Variants in PSMC5 observed in about 807,000 individuals in gnomAD.
The protein encoded by PSMC5 is 26S proteasome regulatory subunit 8.
A neutral mutation model predicts 49.1 loss-of-function variants in PSMC5; 11 were observed. The observed-to-expected ratio is 0.22, with a 90% CI of 0.14 to 0.37. The LOEUF is 0.37. Among genes scored for constraint, PSMC5 ranks in the 10% least tolerant of loss-of-function variants. The probability of loss-of-function intolerance (pLI) is 1.00; values close to 1 mark genes in which losing one functional copy is unlikely to be tolerated. For synonymous variants in PSMC5, 206 were observed against 192.2 expected, an observed-to-expected ratio of 1.07 and a Z score of -0.59; for missense variants, 229 against 520.9, an observed-to-expected ratio of 0.44 and a Z score of 5.45.
chr17:63,828,300 A>C lies in PSMC5; in HGVS notation c.96+91A>C. The C allele has an allele frequency of 3.9e-6, 5 of 1,295,582 alleles. 1 individual carries two copies. Among genetic ancestry groups the C allele is most frequent in the Non-Finnish European group, 5.5e-6 (5 of 916,420 alleles). The allele number at this position is 1,295,582 out of a possible 1,614,324, so 80.3% of individuals were successfully genotyped here. A position where few individuals can be genotyped will look rare whatever the true frequency, so the allele number is the denominator to read the frequency against. On this transcript the variant is annotated intron_variant, in intron 2 of 11. Coordinates refer to ENST00000310144, the MANE Select transcript of PSMC5 (RefSeq NM_002805.6). ...ATCCATCTAATTCCTTTGGGAGTGC[A>C]GTGGAAGAAGCTGCTGCTTCTCCTT... is the stretch of plus-strand genomic sequence containing the variant.
Position 63,830,980 on chromosome 17 carries a change from G to A in PSMC5, c.679+45G>A. On this transcript the variant is annotated intron_variant, in intron 7 of 11. Transcript: ENST00000310144. This position sits in a 1 kb window ranked among gnomAD's most constrained non-coding sequence, Gnocchi z 4.0. ...TGAGAAGCAAGAGGTAGGGGTAGGG[G>A]GTTAGAGAGCTAATAAGCTAATAAG... 1.9e-6 allele frequency: 3 copies of A among 1,612,676 alleles called. No homozygotes were observed. Among genetic ancestry groups the A allele is most frequent in the Non-Finnish European group, 2.5e-6 (3 of 1,179,134 alleles).
intron 2 of PSMC5, 75 bp from the exon 3 acceptor site, chr17:63,829,419 G>A: frequency 7.4e-7 from 1 of 1,344,794 alleles, no homozygotes; most frequent in Non-Finnish European, 1.0e-6. Context: ...TCAGACCTGT[G>A]AGGTCTTGGC....
Position 63,830,747 on chromosome 17 carries a change from A to G in PSMC5, c.553-62A>G, listed in dbSNP as rs1380483797. The G allele has an allele frequency of 6.3e-6, 10 of 1,596,366 alleles. No homozygotes were observed. The African/African-American group carries it at 8.1e-5, about 13-fold the overall frequency. On this transcript the variant is annotated intron_variant, in intron 6 of 11. Coordinates refer to ENST00000310144, the MANE Select transcript of PSMC5 (RefSeq NM_002805.6). The surrounding 1 kb of genome is among the most constrained non-coding windows in gnomAD (Gnocchi z 4.0). ...TAGCAAGGGACCCAGCACTCGGTAA[A>G]TGTTCACTGAATGAAATGAGGGGTG...
chr17:63,827,859 AC>A (rs1223150678), intron 1 of PSMC5: 1 of 1,430,472 alleles, frequency 7.0e-7, no homozygotes, highest in African/African-American at 1.4e-5. Flanking sequence ...AGAGCACTTC[AC>A]GCAGTGCAAA....
chr17:63,831,823 A>G lies in PSMC5; in HGVS notation c.1167+13A>G. On this transcript the variant is annotated intron_variant, in intron 11 of 11. Transcript: ENST00000310144. This position sits in a 1 kb window ranked among gnomAD's most constrained non-coding sequence, Gnocchi z 6.3. ...GGCAGTAGCCAAGGTATAGGCCTCC[A>G]TCTTTGTGCCTTTGCCAGTGGTGGC... 6.2e-7 allele frequency: 1 copy of G among 1,614,052 alleles called. No homozygotes were observed. Among genetic ancestry groups the G allele is most frequent in the Non-Finnish European group, 8.5e-7 (1 of 1,179,900 alleles).
rs1379563051 is a variant in PSMC5 at position 63,831,727 on chromosome 17, G to A, written c.1084G>A (p.Val362Met). 1.2e-6 allele frequency: 2 copies of A among 1,614,198 alleles called. No homozygotes were observed. Among genetic ancestry groups the A allele is most frequent in the Non-Finnish European group, 1.7e-6 (2 of 1,180,036 alleles). The change falls in exon 11 of 12, where the codon GTG (valine) becomes ATG (methionine). Residue 362 changes from valine to methionine, a missense_variant. Val to Met is a conservative substitution (Grantham distance 21). Coordinates refer to ENST00000310144, the MANE Select transcript of PSMC5 (RefSeq NM_002805.6). This position sits in a 1 kb window ranked among gnomAD's most constrained non-coding sequence, Gnocchi z 6.3. ...PGASGAEVKG[V>M]CTEAGMYALR... ...TCAATTTCCTTTTCCTGTTCAGGGC[G>A]TGTGCACAGAAGCTGGCATGTATGC...
chr17:63,829,753 T>C (rs769021087), intron 3 of PSMC5, 99 bp from the exon 4 acceptor site: 1 of 1,384,938 alleles, frequency 7.2e-7, no homozygotes. Flanking sequence ...CCTTTGGCCT[T>C]CCTTTAATAA....
At chr17:63,829,763 A>G in intron 3 of PSMC5, 89 bp from the exon 4 acceptor site, 1 of 1,409,338 alleles carries the variant, frequency 7.1e-7, no homozygotes, top group Non-Finnish European at 1.0e-6. Flanking sequence ...TCCTTTAATA[A>G]GAGTGATGCT....
At position 63,831,757 on chromosome 17, in the gene PSMC5, C is replaced by T. The variant is rs1320796271; in HGVS notation, c.1114C>T (p.Arg372Ter). 1 of 1,614,070 alleles carries T rather than the reference C, an allele frequency of 6.2e-7. No individual in the cohort carries two copies. The highest frequency in any genetic ancestry group is 8.5e-7 in the Non-Finnish European group (1 of 1,180,044). The change falls in exon 11 of 12, where the codon CGA becomes TGA. Residue 372 changes from arginine (R) to a stop codon, truncating the protein, a stop_gained. Transcript: ENST00000310144. LOFTEE classifies it high-confidence loss of function. The surrounding 1 kb of genome is among the most constrained non-coding windows in gnomAD (Gnocchi z 6.3). The stretch of plus-strand genomic sequence containing the variant: ...CACAGAAGCTGGCATGTATGCCCTG[C>T]GAGAACGGCGAGTCCATGTCACTCA... ...VCTEAGMYAL[R>*]ERRVHVTQED...
At chr17:63,827,976 AAGGG>A in intron 1 of PSMC5, 158 bp from the exon 2 acceptor site, 1 of 1,286,458 alleles carries the variant, frequency 7.8e-7, no homozygotes, top group Non-Finnish European at 1.1e-6. Context: ...GGAGGGTTCC[AAGGG>A]AGGGAGGGAT....
chr17:63,827,544 G>T, intron 1 of PSMC5, 30 bp downstream of exon 1: 1 of 1,551,634 alleles, frequency 6.4e-7, no homozygotes, highest in Non-Finnish European at 8.7e-7. Context: ...GGCCCGGCAG[G>T]TTACGGGGCT....
chr17:63,831,218 A>G lies in PSMC5; in HGVS notation c.862A>G (p.Asn288Asp), dbSNP rs776860314. The G allele has an allele frequency of 6.3e-7, 1 of 1,575,226 alleles. No individual in the cohort carries two copies. Among genetic ancestry groups the G allele is most frequent in the Admixed American group, 1.8e-5 (1 of 55,112 alleles). The change falls in exon 8 of 12, where the codon AAC becomes GAC. Residue 288 changes from asparagine to aspartate, a missense_variant. Around this residue, in one of 4 missense-constraint regions of PSMC5, gnomAD observed 121 missense variants for 330.6 expected, o/e 0.37. Coordinates refer to ENST00000310144, the MANE Select transcript of PSMC5 (RefSeq NM_002805.6). The surrounding 1 kb of genome is among the most constrained non-coding windows in gnomAD (Gnocchi z 6.3). ...NQLDGFEATKNIKVIMATNRI... is the reference protein window; with the variant it reads ...NQLDGFEATKDIKVIMATNRI... ...GCTCGACGGCTTTGAGGCCACCAAGAACATCAAGGTAAGGTGGTAGCATCC... is the reference window on the plus strand; with the variant it reads ...GCTCGACGGCTTTGAGGCCACCAAGGACATCAAGGTAAGGTGGTAGCATCC...
chr17:63,829,464 A>C, intron 2 of PSMC5, 30 bp from the exon 3 acceptor site: 1 of 1,549,410 alleles, frequency 6.5e-7, no homozygotes, highest in African/African-American at 1.4e-5. Flanking sequence ...CTGCCCTTGA[A>C]TAATGGAATT....
rs2040189424 is a variant in PSMC5, at chr17:63,831,669, A to G, written c.1080+53A>G. ...GCAGAGGCAGGAAGCTCTGGGCTCA[A>G]GGGCCACAGATGAGGGGCACAGCAG... is the stretch of plus-strand genomic sequence containing the variant. On this transcript the variant is annotated intron_variant, in intron 10 of 11. Transcript: ENST00000310144. This position sits in a 1 kb window ranked among gnomAD's most constrained non-coding sequence, Gnocchi z 6.3. 6.8e-6 allele frequency: 11 copies of G among 1,612,850 alleles called. No individual in the cohort carries two copies. The highest frequency in any genetic ancestry group is 9.3e-6 in the Non-Finnish European group (11 of 1,178,948).
chr17:63,831,581 G>C lies in PSMC5; in HGVS notation c.1045G>C (p.Glu349Gln), dbSNP rs2040187635. ...GGGGATCAACCTGAGAAAAATTGCT[G>C]AGCTCATGCCAGGAGCATCAGGGGC... ...TRGINLRKIA[E>Q]LMPGASGAEV... is the part of the protein sequence containing the mutation. The change falls in exon 10 of 12, where the codon GAG becomes CAG. Residue 349 changes from glutamate (E) to glutamine (Q), a missense_variant. Physicochemically the swap from Glu to Gln is conservative, Grantham distance 29. Coordinates refer to ENST00000310144, the MANE Select transcript of PSMC5 (RefSeq NM_002805.6). The surrounding 1 kb of genome is among the most constrained non-coding windows in gnomAD (Gnocchi z 6.3). 6.2e-7 allele frequency: 1 copy of C among 1,614,012 alleles called. No individual in the cohort carries two copies. Among genetic ancestry groups the C allele is most frequent in the South Asian group, 1.1e-5 (1 of 91,086 alleles).
chr17:63,827,923 G>A (rs2040130875), intron 1 of PSMC5: 2 of 1,366,958 alleles, frequency 1.5e-6, no homozygotes, highest in Non-Finnish European at 9.7e-7. Flanking sequence ...AGTCGTATGA[G>A]GTAGGCGGCG....
In PSMC5 at chr17:63,831,445, C is replaced by G. The variant is rs1257466097; in HGVS notation, c.969+20C>G. The G allele has an allele frequency of 6.2e-7, 1 of 1,612,936 alleles. No individual in the cohort carries two copies. Among genetic ancestry groups the G allele is most frequent in the Non-Finnish European group, 8.5e-7 (1 of 1,179,112 alleles). On this transcript the variant is annotated intron_variant, in intron 9 of 11. Coordinates refer to ENST00000310144, the MANE Select transcript of PSMC5 (RefSeq NM_002805.6). The surrounding 1 kb of genome is among the most constrained non-coding windows in gnomAD (Gnocchi z 6.3). ...GAGGAGGTTTGTGATGGACACTGTG[C>G]AAAGTGGCTCTGGCTGTGGGGGTGG... is the stretch of plus-strand genomic sequence containing the variant.
At position 63,831,708 on chromosome 17, in the gene PSMC5, T is replaced by G. The variant is rs1157969209; in HGVS notation, c.1081-16T>G. On this transcript the variant is annotated splice_polypyrimidine_tract_variant and intron_variant, in intron 10 of 11. Transcript: ENST00000310144. The surrounding 1 kb of genome is among the most constrained non-coding windows in gnomAD (Gnocchi z 6.3). ...GGGGCACAGCAGTGGGGCCTCAATT[T>G]CCTTTTCCTGTTCAGGGCGTGTGCA... The G allele has an allele frequency of 2.5e-6, 4 of 1,614,134 alleles. No individual in the cohort carries two copies. Among genetic ancestry groups the G allele is most frequent in the Non-Finnish European group, 3.4e-6 (4 of 1,180,002 alleles).
chr17:63,827,479 T>A lies in PSMC5; in HGVS notation c.-12T>A, dbSNP rs1304166174. 6.4e-7 allele frequency: 1 copy of A among 1,551,710 alleles called. No homozygotes were observed. The highest frequency in any genetic ancestry group is 8.7e-7 in the Non-Finnish European group (1 of 1,147,002). On this transcript the variant is annotated 5_prime_UTR_variant, in exon 1 of 12. Coordinates refer to ENST00000310144, the MANE Select transcript of PSMC5 (RefSeq NM_002805.6). The stretch of plus-strand genomic sequence containing the variant: ...CGGCTCGGATGCCGGCGGTCTCTGC[T>A]GAAGAGAGAAGATGGCGCTTGACGG...
Sources: allele counts gnomAD v4.1 joint callset, GRCh38; gene constraint gnomAD v4.1.1; regional missense constraint gnomAD v4.1.1; non-coding constraint Gnocchi (gnomAD v3.1); transcripts MANE v1.5; gene names NCBI Gene and HGNC (gene_info 2026-07-23, HGNC 2026-07-21).